NSMAF: variants seen among roughly 807,000 people sequenced by gnomAD.
NSMAF encodes the protein neutral sphingomyelinase activation associated factor.
A neutral mutation model predicts 134.9 loss-of-function variants in NSMAF; 90 were observed. That is an observed-to-expected ratio of 0.67 (90% CI 0.56 to 0.79). The LOEUF (loss-of-function observed/expected upper bound fraction) is 0.79, where lower values mean the gene tolerates loss of function less well. NSMAF is among the 30% of genes least tolerant of loss of function. The pLI is 0.00. For missense variants in NSMAF, 1,010 were observed against 1,119.0 expected (o/e 0.90, Z 1.39); for synonymous variants, 358 against 389.6 (o/e 0.92, Z 0.96).
Position 58,591,628 on chromosome 8 carries a change from T to C in NSMAF, c.1952-694A>G, listed in dbSNP as rs141877327. ...CAGCCTCCCGAATAGCTGGGATTTT[T>C]TGACGTGCACACCACGGCTGGCTAA... On this transcript the variant is annotated intron_variant, in intron 23 of 30. Transcript: ENST00000038176. Among the ~76,000 whole-genome samples, 868 of 151,928 alleles carry C rather than the reference T, an allele frequency of 5.7e-3. 7 individuals carry two copies. The highest frequency in any genetic ancestry group is 0.02 in the African/African-American group (816 of 41,384).
At chr8:58,632,293 T>C (rs1381091723) in intron 5 of NSMAF, among the ~76,000 whole-genome samples, 1 of 152,194 alleles carries the variant, frequency 6.6e-6, no homozygotes, top group African/African-American at 2.4e-5. Flanking sequence ...TTCCCTTTTG[T>C]GGCAAAATTC....
intron 13 of NSMAF, among the ~76,000 whole-genome samples, chr8:58,603,003 G>GA (rs1806320126): frequency 6.6e-6 from 1 of 152,080 alleles, no homozygotes; most frequent in Admixed American, 6.5e-5. Flanking sequence ...AAGTATGGTG[G>GA]AAAAAACATA....
At chr8:58,621,213 C>A (rs1026434859) in intron 9 of NSMAF, among the ~76,000 whole-genome samples, 1 of 152,120 alleles carries the variant, frequency 6.6e-6, no homozygotes, top group African/African-American at 2.4e-5. Context: ...GTTTTCTATT[C>A]CCACATTAAT....
At chr8:58,602,880 G>T (rs1343557548) in intron 13 of NSMAF, among the ~76,000 whole-genome samples, 2 of 152,084 alleles carry the variant, frequency 1.3e-5, no homozygotes, top group South Asian at 2.1e-4. Context: ...ATAATATAAG[G>T]TGAGTGAAAT....
chr8:58,654,980 G>A (rs1807669572), intron 1 of NSMAF, among the ~76,000 whole-genome samples: 1 of 152,136 alleles, frequency 6.6e-6, no homozygotes, highest in Non-Finnish European at 1.5e-5. Flanking sequence ...GATTACAGGT[G>A]TGTGCCACCA....
chr8:58,615,990 C>T (rs757310647), intron 9 of NSMAF, among the ~76,000 whole-genome samples: 2 of 152,102 alleles, frequency 1.3e-5, no homozygotes, highest in African/African-American at 2.4e-5. Context: ...ACTACAGATG[C>T]TGCTGGCATT....
chr8:58,603,501 AAAAAG>A, intron 12 of NSMAF, 115 bp from the exon 13 acceptor site: 1 of 926,200 alleles, frequency 1.1e-6, no homozygotes, highest in Non-Finnish European at 1.6e-6. Context: ...GCATTGTAAG[AAAAAG>A]AAAAGTAGGC....
chr8:58,629,253 G>A (rs1282692584), intron 6 of NSMAF, among the ~76,000 whole-genome samples: 3 of 151,942 alleles, frequency 2.0e-5, no homozygotes, highest in Admixed American at 2.0e-4. Context: ...TCCCCTGACT[G>A]GATAATTTCA....
intron 1 of NSMAF, among the ~76,000 whole-genome samples, chr8:58,643,799 G>A (rs1807386376): frequency 6.6e-6 from 1 of 152,112 alleles, no homozygotes; most frequent in Non-Finnish European, 1.5e-5. Flanking sequence ...CCAAAGTGCT[G>A]GGATTACAAG....
In NSMAF at chr8:58,635,407, A is replaced by C. The variant is rs1807149029; in HGVS notation, c.229-35T>G. Reference sequence around the variant, plus strand: ...ATTGAGAGAAATATTATAAAAATCAAGAAAGGTAAGACATACACAAAAAAT... The same window carrying C: ...ATTGAGAGAAATATTATAAAAATCACGAAAGGTAAGACATACACAAAAAAT... On this transcript the variant is annotated intron_variant, in intron 3 of 30. Transcript: ENST00000038176. The C allele has an allele frequency of 4.4e-6, 7 of 1,574,720 alleles. No homozygotes were observed. The East Asian group carries it at 1.6e-4, about 35-fold the overall frequency.
intron 1 of NSMAF, among the ~76,000 whole-genome samples, chr8:58,647,846 A>AAAACAG (rs772018159): frequency 2.4e-4 from 36 of 152,318 alleles, no homozygotes; most frequent in Admixed American, 4.6e-4. Flanking sequence ...TAGCAAAACA[A>AAAACAG]AAACAGACTA....
rs760202353 is a variant in NSMAF, at chr8:58,623,287, C to A, written c.505-15G>T. ...ATAGCTGTTATCTATTAAAACAGAACCAGAAAAAAAGTATTTATAAGTATT... is the reference window on the plus strand; with the variant it reads ...ATAGCTGTTATCTATTAAAACAGAAACAGAAAAAAAGTATTTATAAGTATT... On this transcript the variant is annotated splice_polypyrimidine_tract_variant and intron_variant, in intron 8 of 30. Coordinates refer to ENST00000038176, the MANE Select transcript of NSMAF (RefSeq NM_003580.4). 3.3e-5 allele frequency: 52 copies of A among 1,594,548 alleles called. No individual in the cohort carries two copies. Among genetic ancestry groups the A allele is most frequent in the Non-Finnish European group, 4.2e-5 (49 of 1,170,166 alleles).
intron 2 of NSMAF, among the ~76,000 whole-genome samples, chr8:58,636,253 G>T (rs2129146394): frequency 6.6e-6 from 1 of 152,026 alleles, no homozygotes; most frequent in Non-Finnish European, 1.5e-5. Flanking sequence ...TAACCCCCTG[G>T]GACCCTGCTG....
At chr8:58,587,758 C>A in intron 26 of NSMAF, 57 bp from the exon 27 acceptor site, 1 of 1,476,784 alleles carries the variant, frequency 6.8e-7, no homozygotes, top group Non-Finnish European at 9.4e-7. Flanking sequence ...AAGTCATTTT[C>A]TAGTGCATTC....
At chr8:58,642,880 C>G in intron 2 of NSMAF, 104 bp downstream of exon 2, 1 of 806,416 alleles carries the variant, frequency 1.2e-6, no homozygotes, top group Non-Finnish European at 2.1e-6. Flanking sequence ...TTTTTAAAGC[C>G]TAATTTTTTC....
intron 9 of NSMAF, among the ~76,000 whole-genome samples, chr8:58,622,160 G>A (rs1402481566): frequency 6.6e-6 from 1 of 152,162 alleles, no homozygotes; most frequent in Non-Finnish European, 1.5e-5. Context: ...GTGTAAGGAA[G>A]GAGTCTAGTT....
rs777952321 is a variant in NSMAF at position 58,659,514 on chromosome 8, T to C, written c.59+59A>G. ...CCGTCCCTCAGATCTCCGGCCGGCG[T>C]CCCCACGACCGGCCCCGACTAGGCC... On this transcript the variant is annotated intron_variant, in intron 1 of 30. Transcript: ENST00000038176. 3.7e-3 allele frequency: 5,207 copies of C among 1,392,000 alleles called. 10 individuals carry two copies. The highest frequency in any genetic ancestry group is 7.7e-3 in the Middle Eastern group (30 of 3,884). The allele number at this position is 1,392,000 out of a possible 1,614,324, so 86.2% of individuals were successfully genotyped here.
chr8:58,585,542 A>G, intron 30 of NSMAF, 110 bp downstream of exon 30: 1 of 750,012 alleles, frequency 1.3e-6, no homozygotes, highest in Admixed American at 2.4e-5. Context: ...ACGACATGGA[A>G]AAACCATGGG....
At chr8:58,652,485 T>C (rs537303899) in intron 1 of NSMAF, among the ~76,000 whole-genome samples, 175 of 152,076 alleles carry the variant, frequency 1.2e-3, no homozygotes, top group African/African-American at 3.8e-3. Context: ...AGCAAGGAGG[T>C]AAGGATATCC....
Sources: allele counts gnomAD v4.1 joint callset (sites outside exome capture counted in the v4.1 genomes callset), GRCh38; gene constraint gnomAD v4.1.1; transcripts MANE v1.5; gene names NCBI Gene and HGNC (gene_info 2026-07-23, HGNC 2026-07-21).